Variants in PCCA observed in about 807,000 individuals in gnomAD.
The protein encoded by PCCA is propionyl-CoA carboxylase alpha chain, mitochondrial.
A neutral mutation model predicts 101.3 loss-of-function variants in PCCA; 74 were observed. That is an observed-to-expected ratio of 0.73 (90% CI 0.61 to 0.89). PCCA has a LOEUF of 0.89. Ranked by LOEUF, PCCA falls within the 40% of genes least tolerant of loss-of-function variation. The pLI, the probability that PCCA is intolerant of heterozygous loss-of-function variation, is 0.00. For synonymous variants in PCCA, 294 were observed against 313.6 expected, an observed-to-expected ratio of 0.94 and a Z score of 0.66; for missense variants, 891 against 907.0, an observed-to-expected ratio of 0.98 and a Z score of 0.23.
Position 100,277,830 on chromosome 13 carries a change from T to C in PCCA, c.1065+4484T>C, listed in dbSNP as rs1384260280. 2.0e-5 allele frequency among the ~76,000 whole-genome samples: 3 copies of C among 152,216 alleles called. No individual in the cohort carries two copies. The East Asian group carries it at 5.8e-4, about 29-fold the overall frequency. On this transcript the variant is annotated intron_variant, in intron 12 of 23. Transcript: ENST00000376285. ...CCAGCCCACCATTTTCACATGAATA[T>C]AATCACCAAAATTTTAATCTGTAAG...
intron 21 of PCCA, among the ~76,000 whole-genome samples, chr13:100,463,107 G>A (rs529474980): frequency 6.6e-6 from 1 of 152,288 alleles, no homozygotes; most frequent in Admixed American, 6.5e-5. Context: ...TAATAAAGGC[G>A]CAGAGGTATT....
At chr13:100,284,251 A>G (rs1013668934) in intron 12 of PCCA, among the ~76,000 whole-genome samples, 7 of 152,300 alleles carry the variant, frequency 4.6e-5, no homozygotes, top group African/African-American at 1.7e-4. Context: ...TGAAAGTCCC[A>G]CACCTTTATT....
intron 6 of PCCA, among the ~76,000 whole-genome samples, chr13:100,208,168 T>A (rs960203098): frequency 4.6e-5 from 7 of 152,186 alleles, no homozygotes; most frequent in Admixed American, 4.6e-4. Flanking sequence ...CTTAAATATT[T>A]ATCTCCTTGT....
At chr13:100,273,117 G>GAA in intron 11 of PCCA, 79 bp from the exon 12 acceptor site, 1 of 1,060,388 alleles carries the variant, frequency 9.4e-7, no homozygotes. Context: ...TAAACTTTAA[G>GAA]AAAATGTTTA....
chr13:100,099,805 T>C (rs910459664), intron 1 of PCCA, among the ~76,000 whole-genome samples: 2 of 152,168 alleles, frequency 1.3e-5, no homozygotes, highest in African/African-American at 4.8e-5. Context: ...TTAGACATTC[T>C]CATTTAATCC....
intron 4 of PCCA, among the ~76,000 whole-genome samples, chr13:100,146,850 C>A (rs1229138312): frequency 6.6e-6 from 1 of 150,758 alleles, no homozygotes; most frequent in Non-Finnish European, 1.5e-5. Flanking sequence ...TAGAAATATA[C>A]ATATGTATGC....
At chr13:100,499,752 A>G (rs1323874852) in intron 21 of PCCA, among the ~76,000 whole-genome samples, 1 of 152,286 alleles carries the variant, frequency 6.6e-6, no homozygotes, top group Admixed American at 6.5e-5. Context: ...ATACATCTGA[A>G]TGTAAGCAAG....
chr13:100,397,046 GC>G (rs1182129776), intron 19 of PCCA, among the ~76,000 whole-genome samples: 1 of 152,078 alleles, frequency 6.6e-6, no homozygotes, highest in African/African-American at 2.4e-5. Context: ...CCATTTAGAG[GC>G]CCTTCCTTAT....
chr13:100,269,227 A>G (rs2063146022), intron 11 of PCCA, among the ~76,000 whole-genome samples: 2 of 152,170 alleles, frequency 1.3e-5, no homozygotes, highest in South Asian at 2.1e-4. Flanking sequence ...GCATATTTTT[A>G]TAATTAAGAA....
At chr13:100,216,831 G>A (rs567078551) in intron 7 of PCCA, among the ~76,000 whole-genome samples, 2 of 152,308 alleles carry the variant, frequency 1.3e-5, no homozygotes, top group East Asian at 3.9e-4. Context: ...AATTTCATCC[G>A]GGTATGGTGG....
chr13:100,289,624 C>T (rs2064977415), intron 12 of PCCA, among the ~76,000 whole-genome samples: 1 of 149,626 alleles, frequency 6.7e-6, no homozygotes, highest in Admixed American at 6.6e-5. Flanking sequence ...GTTAATTATC[C>T]CTTTTGTTTC....
At position 100,484,322 on chromosome 13, in the gene PCCA, G is replaced by A. The variant is rs578071399; in HGVS notation, c.1900-31105G>A. Reference sequence around the variant, plus strand: ...TCTGCAGGAATTGACAGAGGCTCTCGTGAAACCCTTGACACTTTGACCCAT... The same window carrying A: ...TCTGCAGGAATTGACAGAGGCTCTCATGAAACCCTTGACACTTTGACCCAT... On this transcript the variant is annotated intron_variant, in intron 21 of 23. Transcript: ENST00000376285. Among the ~76,000 whole-genome samples the A allele has an allele frequency of 7.2e-5, 11 of 152,206 alleles. No individual in the cohort carries two copies. The South Asian group carries it at 1.9e-3, about 26-fold the overall frequency.
At chr13:100,527,584 A>T in intron 22 of PCCA, 91 bp from the exon 23 acceptor site, 1 of 855,240 alleles carries the variant, frequency 1.2e-6, no homozygotes, top group Non-Finnish European at 2.0e-6. Flanking sequence ...ATTTTGGGGC[A>T]TTTGACAAAG....
intron 9 of PCCA, among the ~76,000 whole-genome samples, chr13:100,259,555 G>A (rs1232287271): frequency 2.0e-5 from 3 of 151,852 alleles, no homozygotes; most frequent in South Asian, 2.1e-4. Context: ...GGATGGTCTC[G>A]ATCTCTTGAC....
chr13:100,217,132 A>G (rs2059566921), intron 7 of PCCA, among the ~76,000 whole-genome samples: 1 of 151,150 alleles, frequency 6.6e-6, no homozygotes, highest in African/African-American at 2.4e-5. Flanking sequence ...ATTTCACAAG[A>G]GAATTTGAAT....
chr13:100,409,179 C>A (rs1483283425), intron 19 of PCCA, among the ~76,000 whole-genome samples: 3 of 152,064 alleles, frequency 2.0e-5, no homozygotes. Context: ...GGTTCTCAAC[C>A]CCTGGGAGCA....
intron 20 of PCCA, among the ~76,000 whole-genome samples, chr13:100,442,234 TCCG>T (rs2080429565): frequency 6.6e-6 from 1 of 152,156 alleles, no homozygotes; most frequent in Admixed American, 6.5e-5. Flanking sequence ...GCTCAAGTGA[TCCG>T]CCTTCCTTGA....
Position 100,402,259 on chromosome 13 carries a change from TG to T in PCCA, c.1747-23373del, listed in dbSNP as rs1246138049. 4.6e-5 allele frequency among the ~76,000 whole-genome samples: 7 copies of T among 152,110 alleles called. No homozygotes were observed. In the East Asian group the frequency reaches 1.2e-3, roughly 25 times the overall value. ...GAAGAGTTTTTTGTTTTTTGTTTTT[TG>T]TTTTTTTTTTAAAGAACCATGTTGT... is the stretch of plus-strand genomic sequence containing the variant. On this transcript the variant is annotated intron_variant, in intron 19 of 23. Coordinates refer to ENST00000376285, the MANE Select transcript of PCCA (RefSeq NM_000282.4).
At chr13:100,192,540 A>G (rs2057805608) in intron 6 of PCCA, among the ~76,000 whole-genome samples, 1 of 152,210 alleles carries the variant, frequency 6.6e-6, no homozygotes, top group Non-Finnish European at 1.5e-5. Flanking sequence ...TTGCAGGATC[A>G]TTATTATTCT....
Sources: allele counts gnomAD v4.1 joint callset (sites outside exome capture counted in the v4.1 genomes callset), GRCh38; gene constraint gnomAD v4.1.1; transcripts MANE v1.5; gene names NCBI Gene and HGNC (gene_info 2026-07-23, HGNC 2026-07-21).